STAG1: variants seen among roughly 807,000 people sequenced by gnomAD.
STAG1 encodes the protein cohesin subunit SA-1.
A neutral mutation model predicts 170.9 loss-of-function variants in STAG1; 26 were observed. The ratio of observed to expected loss-of-function variants is 0.15; its 90% CI spans 0.11 to 0.21. The LOEUF is 0.21. Ranked by LOEUF, STAG1 falls within the 10% of genes least tolerant of loss-of-function variation. The pLI is 1.00. For synonymous variants in STAG1, 514 were observed against 497.7 expected (o/e 1.03, Z -0.44); for missense variants, 964 against 1,509.5 (o/e 0.64, Z 5.99).
At chr3:136,628,632 A>C (rs1940206462) in intron 2 of STAG1, among the ~76,000 whole-genome samples, 2 of 152,194 alleles carry the variant, frequency 1.3e-5, no homozygotes, top group South Asian at 4.1e-4. Flanking sequence ...GACTAAACAA[A>C]GGCATGTGTT....
chr3:136,463,909 A>G (rs2089366444), intron 13 of STAG1, among the ~76,000 whole-genome samples: 1 of 147,810 alleles, frequency 6.8e-6, no homozygotes, highest in Non-Finnish European at 1.5e-5. Flanking sequence ...ATATACTTAC[A>G]TATAATATAT....
intron 22 of STAG1, among the ~76,000 whole-genome samples, chr3:136,382,389 A>C (rs1284911553): frequency 6.6e-6 from 1 of 151,942 alleles, no homozygotes; most frequent in Non-Finnish European, 1.5e-5. Context: ...AATGTGAAAC[A>C]ACCAAGGCTT....
At chr3:136,527,993 C>T (rs1935146527) in intron 6 of STAG1, among the ~76,000 whole-genome samples, 1 of 152,140 alleles carries the variant, frequency 6.6e-6, no homozygotes, top group Non-Finnish European at 1.5e-5. Flanking sequence ...CAGTCTGCCC[C>T]TATTTGGGGA....
At chr3:136,407,413 T>G (rs2087514265) in intron 21 of STAG1, among the ~76,000 whole-genome samples, 1 of 152,262 alleles carries the variant, frequency 6.6e-6, no homozygotes, top group Admixed American at 6.5e-5. Flanking sequence ...TTTTTGGCAC[T>G]ACTGTAAATA....
Position 136,452,070 on chromosome 3 carries a change from A to T in STAG1, c.1391T>A (p.Leu464His). The change falls in exon 14 of 34, where the codon CTC becomes CAC. Residue 464 changes from leucine (L) to histidine (H), a missense_variant. This residue lies in a region of STAG1 where 162 missense variants were observed against 211.2 expected (regional missense o/e 0.77). Coordinates refer to ENST00000383202, the MANE Select transcript of STAG1 (RefSeq NM_005862.3). ...RRGRNSPNGNLIRMLVLFFLE... is the reference protein window; with the variant it reads ...RRGRNSPNGNHIRMLVLFFLE... ...AAAGAAAAGAACCAGCATCCTAATG[A>T]GGTTTCCATTCGGGCTGTTTCTTCC... 6.2e-7 allele frequency: 1 copy of T among 1,613,482 alleles called. No homozygotes were observed. Among genetic ancestry groups the T allele is most frequent in the Non-Finnish European group, 8.5e-7 (1 of 1,179,750 alleles).
intron 22 of STAG1, among the ~76,000 whole-genome samples, chr3:136,381,033 A>G (rs1214128447): frequency 6.7e-5 from 10 of 150,174 alleles, no homozygotes; most frequent in Admixed American, 6.6e-4. Flanking sequence ...CGAAAAAAAA[A>G]AAAGAAAAAA....
intron 6 of STAG1, among the ~76,000 whole-genome samples, chr3:136,528,500 C>A (rs1311367175): frequency 1.4e-5 from 2 of 137,936 alleles, no homozygotes; most frequent in Non-Finnish European, 3.1e-5. Context: ...CCGCACCCCC[C>A]CCCCCAAAAA....
chr3:136,400,535 C>A (rs1033134793), intron 21 of STAG1, among the ~76,000 whole-genome samples: 1 of 150,506 alleles, frequency 6.6e-6, no homozygotes, highest in East Asian at 2.0e-4. Context: ...CATAAATTTT[C>A]TTTCTTTTTT....
chr3:136,674,085 A>G (rs1417284147), intron 1 of STAG1, among the ~76,000 whole-genome samples: 75 of 127,492 alleles, frequency 5.9e-4, no homozygotes, highest in African/African-American at 2.1e-3. Flanking sequence ...CCTAGGTGAT[A>G]GGGAGTGACT....
chr3:136,378,765 A>G (rs893824686), intron 22 of STAG1, among the ~76,000 whole-genome samples: 3 of 152,328 alleles, frequency 2.0e-5, no homozygotes, highest in Non-Finnish European at 4.4e-5. Flanking sequence ...CCTAAGAAAC[A>G]GTAATTATTA....
intron 6 of STAG1, among the ~76,000 whole-genome samples, chr3:136,534,909 GGAAAA>G: frequency 6.6e-6 from 1 of 152,156 alleles, no homozygotes; most frequent in East Asian, 1.9e-4. Flanking sequence ...TTTATCCAAA[GGAAAA>G]GAAATCAGTA....
At chr3:136,404,541 A>G (rs1418040430) in intron 21 of STAG1, among the ~76,000 whole-genome samples, 1 of 152,148 alleles carries the variant, frequency 6.6e-6, no homozygotes, top group Non-Finnish European at 1.5e-5. Flanking sequence ...TGAGAAATAA[A>G]TTTCTATGTG....
intron 2 of STAG1, among the ~76,000 whole-genome samples, chr3:136,627,431 A>G (rs1415558814): frequency 2.0e-5 from 3 of 152,150 alleles, no homozygotes; most frequent in Non-Finnish European, 4.4e-5. Flanking sequence ...ATAAATATCA[A>G]TATTTCAATT....
chr3:136,540,793 G>C (rs1316153436), intron 6 of STAG1, among the ~76,000 whole-genome samples: 1 of 108,590 alleles, frequency 9.2e-6, no homozygotes, highest in Non-Finnish European at 1.8e-5. Flanking sequence ...CTGCGCTCCA[G>C]TCTGGGCGAC....
chr3:136,374,565 C>T (rs980499595), intron 23 of STAG1, among the ~76,000 whole-genome samples: 5 of 151,058 alleles, frequency 3.3e-5, no homozygotes, highest in South Asian at 2.1e-4. Context: ...TGGGGTGACC[C>T]GAGAATGTGC....
At chr3:136,604,261 G>C in intron 4 of STAG1, 48 bp downstream of exon 4, 3 of 1,538,816 alleles carry the variant, frequency 1.9e-6, no homozygotes, top group Non-Finnish European at 2.6e-6. Flanking sequence ...TTCCACCCAA[G>C]TTATTAACTG....
intron 4 of STAG1, among the ~76,000 whole-genome samples, chr3:136,603,685 T>G (rs1201995260): frequency 6.6e-6 from 1 of 151,982 alleles, no homozygotes; most frequent in Non-Finnish European, 1.5e-5. Flanking sequence ...CAGATCGAGA[T>G]CATCCTGGGT....
intron 5 of STAG1, among the ~76,000 whole-genome samples, chr3:136,565,535 T>C (rs972406455): frequency 6.6e-6 from 1 of 152,220 alleles, no homozygotes; most frequent in African/African-American, 2.4e-5. Context: ...TAACAAGTGT[T>C]GTTGAGGATG....
intron 1 of STAG1, among the ~76,000 whole-genome samples, chr3:136,699,993 C>G (rs1010021697): frequency 1.3e-4 from 19 of 151,872 alleles, no homozygotes; most frequent in African/African-American, 4.6e-4. Context: ...AATGCTATGC[C>G]TATTACTATT....
Sources: allele counts gnomAD v4.1 joint callset (sites outside exome capture counted in the v4.1 genomes callset), GRCh38; gene constraint gnomAD v4.1.1; regional missense constraint gnomAD v4.1.1; transcripts MANE v1.5; gene names NCBI Gene and HGNC (gene_info 2026-07-23, HGNC 2026-07-21).